The following UBR3 variants were observed in gnomAD, a reference collection of about 807,000 sequenced individuals.
UBR3 encodes ubiquitin protein ligase E3 component n-recognin 3.
UBR3 carries 85 observed loss-of-function variants against 243.2 expected under a neutral mutation model. The observed-to-expected ratio is 0.35, with a 90% confidence interval of 0.29 to 0.42. The LOEUF is 0.42. Among genes scored for constraint, UBR3 ranks in the 10% least tolerant of loss-of-function variants. The probability of loss-of-function intolerance (pLI) is 1.00; values close to 1 mark genes in which losing one functional copy is unlikely to be tolerated. For missense variants in UBR3, 1,686 were observed against 2,300.8 expected (o/e 0.73, Z 5.47); for synonymous variants, 748 against 799.8 (o/e 0.94, Z 1.09).
rs1280303422 is a variant in UBR3 at position 169,940,865 on chromosome 2, T to A, written c.2664-1628T>A. ...TGGAAAATTCCAGAAATAAGTAATT[T>A]ATAGATTTTAAATTATATGCCATTA... On this transcript the variant is annotated intron_variant, in intron 19 of 38. Transcript: ENST00000272793. 1.3e-4 allele frequency among the ~76,000 whole-genome samples: 20 copies of A among 152,200 alleles called. 1 individual carries two copies. Among genetic ancestry groups the A allele is most frequent in the Admixed American group, 1.3e-3 (20 of 15,280 alleles).
chr2:169,905,376 G>A (rs2084975041), intron 9 of UBR3, 83 bp downstream of exon 9: 6 of 1,053,236 alleles, frequency 5.7e-6, no homozygotes, highest in Admixed American at 3.5e-5. Flanking sequence ...AAATACAATA[G>A]CACATCATTC....
intron 4 of UBR3, among the ~76,000 whole-genome samples, chr2:169,878,229 C>CA (rs1182901383): frequency 6.6e-6 from 1 of 152,178 alleles, no homozygotes; most frequent in East Asian, 1.9e-4. Flanking sequence ...GGCGTGCTGG[C>CA]AGGCGCCTGT....
chr2:169,851,168 A>T (rs938233332), intron 1 of UBR3, among the ~76,000 whole-genome samples: 1 of 152,170 alleles, frequency 6.6e-6, no homozygotes, highest in South Asian at 2.1e-4. Context: ...TCTGTTGCAC[A>T]GGCTACAGTG....
intron 35 of UBR3, among the ~76,000 whole-genome samples, chr2:170,072,024 G>A (rs923115562): frequency 6.6e-6 from 1 of 152,118 alleles, no homozygotes; most frequent in Non-Finnish European, 1.5e-5. Context: ...CGATTCCTCA[G>A]GGATCTAGAG....
rs2084316120 is a variant in UBR3, at chr2:169,890,563, A to ATGTATATATGTG, written c.1039-599_1039-598insATATATGTGTGT. Among the ~76,000 whole-genome samples the ATGTATATATGTG allele has an allele frequency of 7.1e-5, 6 of 83,922 alleles. 1 individual carries two copies. The highest frequency in any genetic ancestry group is 2.5e-4 in the African/African-American group (5 of 19,692). The allele number at this position is 83,922 out of a possible 152,430, so 55.1% of individuals were successfully genotyped here. On this transcript the variant is annotated intron_variant, in intron 5 of 38. Transcript: ENST00000272793. ...GAGATATATATATATATATATATAT[A>ATGTATATATGTG]TGTGTATATATATATATGTATATAT...
chr2:169,936,464 A>AT lies in UBR3; in HGVS notation c.2663+3464dup, dbSNP rs530605155. 1.1e-4 allele frequency among the ~76,000 whole-genome samples: 16 copies of AT among 151,564 alleles called. No homozygotes were observed. In the East Asian group the frequency reaches 3.1e-3, roughly 29 times the overall value. The stretch of plus-strand genomic sequence containing the variant: ...TAATGATAGTTTTCTTATTTTGAAG[A>AT]TTTTTTTTCTTCATTCTATGTAGTA... On this transcript the variant is annotated intron_variant, in intron 19 of 38. Transcript: ENST00000272793.
chr2:169,935,622 C>T (rs1455210361), intron 19 of UBR3, among the ~76,000 whole-genome samples: 1 of 152,154 alleles, frequency 6.6e-6, no homozygotes. Context: ...TCCTGTCTCC[C>T]ATCTTGAAGG....
At chr2:169,859,616 G>A (rs138413679) in intron 1 of UBR3, among the ~76,000 whole-genome samples, 50 of 151,958 alleles carry the variant, frequency 3.3e-4, no homozygotes, top group African/African-American at 1.2e-3. Context: ...TTTTATTGCT[G>A]TGTCATTAAA....
intron 1 of UBR3, 89 bp from the exon 2 acceptor site, chr2:169,872,147 A>G (rs930316625): frequency 7.5e-6 from 7 of 935,658 alleles, no homozygotes; most frequent in Non-Finnish European, 9.0e-6. Context: ...TTATTGGCCT[A>G]TATTCCATTT....
chr2:170,052,350 A>G (rs1220923173), intron 32 of UBR3, among the ~76,000 whole-genome samples: 1 of 152,186 alleles, frequency 6.6e-6, no homozygotes, highest in Non-Finnish European at 1.5e-5. Flanking sequence ...TTCTGGGTGT[A>G]CATCCTAAGG....
intron 8 of UBR3, among the ~76,000 whole-genome samples, chr2:169,897,675 ATTTT>A (rs1160464551): frequency 1.3e-5 from 2 of 151,814 alleles, no homozygotes; most frequent in Non-Finnish European, 2.9e-5. Flanking sequence ...TAATTTTTGT[ATTTT>A]TAGTAGAGAT....
intron 23 of UBR3, among the ~76,000 whole-genome samples, chr2:169,955,292 C>G (rs2087227759): frequency 6.6e-6 from 1 of 152,138 alleles, no homozygotes; most frequent in Non-Finnish European, 1.5e-5. Flanking sequence ...CAATTCATAT[C>G]AACTTTATAT....
chr2:169,989,659 C>T (rs73017668), intron 25 of UBR3, among the ~76,000 whole-genome samples: 6,550 of 152,230 alleles, frequency 0.043, 157 homozygotes, highest in Middle Eastern at 0.061. Flanking sequence ...ACAGATTACA[C>T]AGGAAAGGCA....
chr2:169,958,079 A>G (rs149914444), intron 23 of UBR3, among the ~76,000 whole-genome samples: 21 of 126,756 alleles, frequency 1.7e-4, no homozygotes, highest in African/African-American at 4.0e-4. Context: ...GCCTGGGATT[A>G]AATTGTTAGT....
At chr2:170,004,397 C>T (rs1296572183) in intron 27 of UBR3, among the ~76,000 whole-genome samples, 45 of 152,030 alleles carry the variant, frequency 3.0e-4, no homozygotes, top group Admixed American at 2.9e-3. Context: ...GTTTGGGAGA[C>T]TACTTAGGAG....
chr2:169,835,993 G>GTCCCCCCCTCTCTCTC lies in UBR3; in HGVS notation c.545+7943_545+7944insCCCCCCTCTCTCTCTC, dbSNP rs1194152380. Among the ~76,000 whole-genome samples, 10 of 30,736 alleles carry GTCCCCCCCTCTCTCTC rather than the reference G, an allele frequency of 3.3e-4. 1 individual carries two copies. Among genetic ancestry groups the GTCCCCCCCTCTCTCTC allele is most frequent in the Admixed American group, 5.6e-4 (1 of 1,772 alleles). 20.2% of individuals were successfully genotyped at this position (30,736 alleles called of 152,430 possible). A position where few individuals can be genotyped will look rare whatever the true frequency, so the allele number is the denominator to read the frequency against. ...TTTTCCTGAAATTCCTGTGTGCACT[G>GTCCCCCCCTCTCTCTC]TCTCTCTCTCTCTCTCTCTCTCTCT... On this transcript the variant is annotated intron_variant, in intron 1 of 38. Transcript: ENST00000272793.
chr2:169,842,291 T>C (rs995003381), intron 1 of UBR3, among the ~76,000 whole-genome samples: 13 of 152,178 alleles, frequency 8.5e-5, no homozygotes, highest in African/African-American at 2.9e-4. Flanking sequence ...CTAACTAATC[T>C]GATGGGGACG....
chr2:170,045,194 G>GAT (rs2091054472), intron 32 of UBR3, among the ~76,000 whole-genome samples: 1 of 152,146 alleles, frequency 6.6e-6, no homozygotes. Context: ...AGAAGAGAAT[G>GAT]ATAGCCAAGT....
chr2:169,874,877 T>A (rs1461284027), intron 2 of UBR3, among the ~76,000 whole-genome samples: 2 of 152,152 alleles, frequency 1.3e-5, no homozygotes, highest in East Asian at 3.8e-4. Context: ...GTTTTTGTTT[T>A]AAAAAAATTA....
Sources: allele counts gnomAD v4.1 joint callset (sites outside exome capture counted in the v4.1 genomes callset), GRCh38; gene constraint gnomAD v4.1.1; transcripts MANE v1.5; gene names NCBI Gene and HGNC (gene_info 2026-07-23, HGNC 2026-07-21).